Variants in NENF observed in about 807,000 individuals in gnomAD.
NENF encodes neudesin neurotrophic factor, also known as neudesin.
NENF carries 6 observed loss-of-function variants against 14.8 expected under a neutral mutation model. That is an observed-to-expected ratio of 0.40 (90% CI 0.22 to 0.80). The LOEUF is 0.80. NENF is among the 30% of genes least tolerant of loss of function. The pLI is 0.34. For synonymous variants in NENF, 76 were observed against 95.1 expected, an observed-to-expected ratio of 0.80 and a Z score of 1.17; for missense variants, 184 against 212.7, an observed-to-expected ratio of 0.87 and a Z score of 0.84.
rs144218652 is a variant in NENF, at chr1:212,445,961, C to G, written c.474C>G (p.Phe158Leu). 2 of 1,614,084 alleles carry G rather than the reference C, an allele frequency of 1.2e-6. No individual in the cohort carries two copies. Among genetic ancestry groups the G allele is most frequent in the African/African-American group, 1.3e-5 (1 of 74,924 alleles). Residue 158 changes from phenylalanine to leucine, a missense_variant, in exon 4 of 4, where the codon TTC becomes TTG. By Grantham distance (22) the Phe-to-Leu change is conservative. Coordinates refer to ENST00000366988, the MANE Select transcript of NENF (RefSeq NM_013349.5). ...LNEDGSPNLD[F>L]KPEDQPHFDI... ...AGGATGGCAGCCCTAACCTGGACTT[C>G]AAGCCTGAAGACCAGCCCCATTTTG...
At chr1:212,437,409 T>TA (rs1328929414) in intron 1 of NENF, among the ~76,000 whole-genome samples, 1 of 152,206 alleles carries the variant, frequency 6.6e-6, no homozygotes. Flanking sequence ...AAATCTGACA[T>TA]ATTTTCATAT....
Position 212,432,930 on chromosome 1 carries a change from G to A in NENF, c.-14G>A, listed in dbSNP as rs895248546. On this transcript the variant is annotated 5_prime_UTR_variant, in exon 1 of 4. Transcript: ENST00000366988. ...CCGCCCTGGCCCGGCCTTGCCTTGC[G>A]CTGCGCGCTCACCATGGTGGGCCCC... is the stretch of plus-strand genomic sequence containing the variant. 25 of 704,156 alleles carry A rather than the reference G, an allele frequency of 3.6e-5. No homozygotes were observed. The African/African-American group carries it at 4.4e-4, about 12-fold the overall frequency. The allele number at this position is 704,156 out of a possible 1,614,324, so 43.6% of individuals were successfully genotyped here.
chr1:212,442,388 C>A (rs914904380), intron 1 of NENF, among the ~76,000 whole-genome samples, 177 bp from the exon 2 acceptor site: 1 of 152,252 alleles, frequency 6.6e-6, no homozygotes, highest in Non-Finnish European at 1.5e-5. Flanking sequence ...TTTCTGTGTG[C>A]GGGCATGACG....
Position 212,444,518 on chromosome 1 carries a change from C to CGTGT in NENF, c.342+123_342+126dup, listed in dbSNP as rs57220444. ...CTTTTTCTCTTTTTCTTTTTCTTTT[C>CGTGT]GTGTGTGTGTGTGTGTGTGTGTGTG... is the stretch of plus-strand genomic sequence containing the variant. On this transcript the variant is annotated intron_variant, in intron 3 of 3. Coordinates refer to ENST00000366988, the MANE Select transcript of NENF (RefSeq NM_013349.5). The CGTGT allele has an allele frequency of 1.9e-3, 967 of 497,346 alleles. 14 individuals carry two copies. The highest frequency in any genetic ancestry group is 7.1e-3 in the African/African-American group (301 of 42,672). 30.8% of individuals were successfully genotyped at this position (497,346 alleles called of 1,614,324 possible). A position where few individuals can be genotyped will look rare whatever the true frequency, so the allele number is the denominator to read the frequency against.
intron 1 of NENF, among the ~76,000 whole-genome samples, chr1:212,438,069 G>C (rs1034189450): frequency 2.6e-5 from 4 of 152,092 alleles, no homozygotes. Flanking sequence ...TTCTAGTAAG[G>C]GTTGTACAGA....
chr1:212,444,555 G>A (rs867917667), intron 3 of NENF, 113 bp downstream of exon 3: 1 of 486,796 alleles, frequency 2.1e-6, no homozygotes, highest in Non-Finnish European at 3.3e-6. Flanking sequence ...GTGTGTGTGT[G>A]TGTGTGTGTG....
intron 1 of NENF, among the ~76,000 whole-genome samples, chr1:212,439,921 A>G (rs924183318): frequency 6.6e-6 from 1 of 152,028 alleles, no homozygotes; most frequent in Non-Finnish European, 1.5e-5. Flanking sequence ...TATCTTATGT[A>G]TGTGAATGTT....
intron 1 of NENF, among the ~76,000 whole-genome samples, chr1:212,439,153 CT>C (rs2102568517): frequency 6.6e-6 from 1 of 152,270 alleles, no homozygotes; most frequent in South Asian, 2.1e-4. Context: ...GCTAAACATT[CT>C]TTTCTTCCCC....
Position 212,433,859 on chromosome 1 carries a change from G to A in NENF, c.177+739G>A, listed in dbSNP as rs942852579. ...GAGCCGCACGACAAGGACCAACAGG[G>A]GGCTGATATTAGATGTGGAGCGGGG... On this transcript the variant is annotated intron_variant, in intron 1 of 3. Coordinates refer to ENST00000366988, the MANE Select transcript of NENF (RefSeq NM_013349.5). The surrounding 1 kb of genome is among the most constrained non-coding windows in gnomAD (Gnocchi z 5.5). Among the ~76,000 whole-genome samples, 1 of 152,126 alleles carries A rather than the reference G, an allele frequency of 6.6e-6. No homozygotes were observed. Among genetic ancestry groups the A allele is most frequent in the African/African-American group, 2.4e-5 (1 of 41,422 alleles).
Position 212,433,210 on chromosome 1 carries a change from G to GGAAGCTCT in NENF, c.177+92_177+99dup. On this transcript the variant is annotated intron_variant, in intron 1 of 3. Transcript: ENST00000366988. This position sits in a 1 kb window ranked among gnomAD's most constrained non-coding sequence, Gnocchi z 5.5. ...GGACCCAGGAGGCGCCGGCGGCCCA[G>GGAAGCTCT]GAAGCTCTGGGGGACGCGCGGCCCG... The GGAAGCTCT allele has an allele frequency of 1.2e-6, 1 of 856,718 alleles. No homozygotes were observed. Among genetic ancestry groups the GGAAGCTCT allele is most frequent in the East Asian group, 4.8e-5 (1 of 20,634 alleles). 53.1% of individuals were successfully genotyped at this position (856,718 alleles called of 1,614,324 possible).
chr1:212,444,499 C>CTCT, intron 3 of NENF, 57 bp downstream of exon 3: 1 of 1,204,848 alleles, frequency 8.3e-7, no homozygotes, highest in South Asian at 1.5e-5. Flanking sequence ...ATGCCTTTTT[C>CTCT]TCTTTTTCTT....
At chr1:212,445,667 C>T (rs2282435) in intron 3 of NENF, among the ~76,000 whole-genome samples, 163 bp from the exon 4 acceptor site, 2 of 149,010 alleles carry the variant, frequency 1.3e-5, no homozygotes, top group Non-Finnish European at 3.0e-5. Flanking sequence ...ACGCCCCCCC[C>T]ACAGCAGTGT....
chr1:212,433,002 T>C lies in NENF; in HGVS notation c.59T>C (p.Leu20Pro). 1.7e-6 allele frequency: 2 copies of C among 1,154,534 alleles called. No individual in the cohort carries two copies. The highest frequency in any genetic ancestry group is 2.1e-6 in the Non-Finnish European group (2 of 937,000). 71.5% of individuals were successfully genotyped at this position (1,154,534 alleles called of 1,614,324 possible). Residue 20 changes from leucine (L) to proline (P), a missense_variant, in exon 1 of 4, where the codon CTG (leucine) becomes CCG (proline). Physicochemically the swap from Leu to Pro is moderately conservative, Grantham distance 98. Transcript: ENST00000366988. The surrounding 1 kb of genome is among the most constrained non-coding windows in gnomAD (Gnocchi z 5.5). ...CCGCTGGCAGCGCTGGCCCTGGTCC[T>C]GGCGCTGGCCCCGGGGCTGCCCACA... The part of the protein sequence containing the change: ...LRPLAALALV[L>P]ALAPGLPTAR...
At chr1:212,437,155 C>G (rs369386910) in intron 1 of NENF, among the ~76,000 whole-genome samples, 3 of 152,140 alleles carry the variant, frequency 2.0e-5, no homozygotes, top group Non-Finnish European at 4.4e-5. Context: ...ATCTAATAAA[C>G]TCTGAAACCT....
At chr1:212,435,344 CT>C (rs551021792) in intron 1 of NENF, among the ~76,000 whole-genome samples, 3 of 152,096 alleles carry the variant, frequency 2.0e-5, no homozygotes, top group African/African-American at 4.8e-5. Flanking sequence ...CTGCATATAA[CT>C]TTTTTTTCTT....
At chr1:212,438,172 T>C (rs184702028) in intron 1 of NENF, among the ~76,000 whole-genome samples, 24 of 152,336 alleles carry the variant, frequency 1.6e-4, no homozygotes, top group Non-Finnish European at 1.0e-4. Context: ...AGGTAGTGTG[T>C]TCCAGAGTGC....
At chr1:212,439,688 C>CAAAAAAAA (rs1218927992) in intron 1 of NENF, among the ~76,000 whole-genome samples, 8 of 60,934 alleles carry the variant, frequency 1.3e-4, no homozygotes, top group African/African-American at 2.7e-4. Flanking sequence ...ACTAAATATA[C>CAAAAAAAA]AAAAAAAAAA....
rs749597648 is a variant in NENF at position 212,442,596 on chromosome 1, G to A, written c.209G>A (p.Gly70Glu). 2 of 1,613,812 alleles carry A rather than the reference G, an allele frequency of 1.2e-6. No homozygotes were observed. Among genetic ancestry groups the A allele is most frequent in the South Asian group, 2.2e-5 (2 of 91,076 alleles). ...CAGCCCATCTACTTGGCAGTGAAGG[G>A]AGTGGTGTTTGATGTCACCTCCGGA... is the stretch of plus-strand genomic sequence containing the variant. ...EDQPIYLAVK[G>E]VVFDVTSGKE... The change falls in exon 2 of 4, where the codon GGA becomes GAA. Residue 70 changes from glycine (G) to glutamate (E), a missense_variant. Transcript: ENST00000366988.
intron 1 of NENF, among the ~76,000 whole-genome samples, chr1:212,437,279 T>C (rs1350183817): frequency 6.6e-6 from 1 of 152,156 alleles, no homozygotes; most frequent in Admixed American, 6.5e-5. Flanking sequence ...CTTTATCCCA[T>C]TTACTGTGAA....
Sources: gnomAD v4.1 joint callset for allele counts (sites outside exome capture counted in the v4.1 genomes callset) on GRCh38, gnomAD v4.1.1 for gene constraint, Gnocchi (gnomAD v3.1) non-coding constraint, MANE v1.5 for transcripts, NCBI Gene and HGNC (gene_info 2026-07-23, HGNC 2026-07-21) for gene names.